The following MTRFR variants were observed in gnomAD, a reference collection of about 807,000 sequenced individuals.
MTRFR encodes the protein mitochondrial translation release factor in rescue, also known as probable peptide chain release factor C12orf65, mitochondrial.
MTRFR carries 10 observed loss-of-function variants against 11.9 expected under a neutral mutation model. The ratio of observed to expected loss-of-function variants is 0.84; its 90% CI spans 0.52 to 1.42. MTRFR has a LOEUF of 1.42. MTRFR is among the 40% of genes most tolerant of loss of function. The probability of loss-of-function intolerance (pLI) is 0.00; values close to 1 mark genes in which losing one functional copy is unlikely to be tolerated. For synonymous variants in MTRFR, 77 were observed against 79.1 expected (o/e 0.97, Z 0.14); for missense variants, 196 against 197.9 (o/e 0.99, Z 0.06).
chr12:123,235,124 G>A (rs1178367234), intron 1 of MTRFR, among the ~76,000 whole-genome samples: 1 of 152,176 alleles, frequency 6.6e-6, no homozygotes, highest in African/African-American at 2.4e-5. Flanking sequence ...CAGCCTTGTA[G>A]TTGAGAGATC....
chr12:123,253,385 G>A (rs927954779), intron 1 of MTRFR: 2 of 395,996 alleles, frequency 5.1e-6, no homozygotes, highest in Non-Finnish European at 4.8e-6. Flanking sequence ...CAGCACCCCC[G>A]GGTGCTTGGA....
intron 1 of MTRFR, among the ~76,000 whole-genome samples, chr12:123,238,647 G>A (rs1442262080): frequency 6.6e-6 from 1 of 152,148 alleles, no homozygotes; most frequent in African/African-American, 2.4e-5. Context: ...AAAAGTGTCT[G>A]TCCTAGCAAT....
Position 123,235,044 on chromosome 12 carries a change from A to G in MTRFR, c.-29+1513A>G, listed in dbSNP as rs78368479. ...AAGCTCTAAAACAAAGGCCGATGAA[A>G]TAATCAGTTCCCAGACTGGGTTTGT... On this transcript the variant is annotated intron_variant, in intron 1 of 2. Coordinates refer to ENST00000253233, the MANE Select transcript of MTRFR (RefSeq NM_152269.5). 3.4e-4 allele frequency among the ~76,000 whole-genome samples: 52 copies of G among 152,360 alleles called. No homozygotes were observed. The East Asian group carries it at 8.1e-3, about 24-fold the overall frequency.
At chr12:123,243,236 T>A (rs1176849921) in intron 1 of MTRFR, among the ~76,000 whole-genome samples, 2 of 91,258 alleles carry the variant, frequency 2.2e-5, no homozygotes, top group Non-Finnish European at 4.8e-5. Flanking sequence ...TTTAAAACAA[T>A]TTTTTTTTTT....
At position 123,257,951 on chromosome 12, in the gene MTRFR, G is replaced by T. The variant is rs2048201220; in HGVS notation, c.*920G>T. ...GTAATTAGTAAAGTCAATTTTTATG[G>T]AGAACTGGAGAATGGAGTCAAACAT... On this transcript the variant is annotated 3_prime_UTR_variant, in exon 3 of 3. Coordinates refer to ENST00000253233, the MANE Select transcript of MTRFR (RefSeq NM_152269.5). The T allele has an allele frequency of 6.6e-6, 1 of 152,114 alleles. No individual in the cohort carries two copies. Among genetic ancestry groups the T allele is most frequent in the Non-Finnish European group, 1.5e-5 (1 of 67,984 alleles). 9.4% of individuals were successfully genotyped at this position (152,114 alleles called of 1,614,324 possible).
intron 1 of MTRFR, among the ~76,000 whole-genome samples, chr12:123,241,362 G>A (rs970675037): frequency 5.9e-5 from 9 of 151,564 alleles, no homozygotes; most frequent in African/African-American, 1.9e-4. Context: ...ACAGAGTCTC[G>A]CTCCTTCAGT....
At chr12:123,241,211 T>C (rs982140030) in intron 1 of MTRFR, among the ~76,000 whole-genome samples, 1 of 151,666 alleles carries the variant, frequency 6.6e-6, no homozygotes, top group South Asian at 2.1e-4. Flanking sequence ...AAGCTGATCA[T>C]GAACTCCCAG....
chr12:123,246,888 G>A lies in MTRFR; in HGVS notation c.-28-6759G>A, dbSNP rs1490839021. 6.6e-5 allele frequency among the ~76,000 whole-genome samples: 10 copies of A among 151,716 alleles called. No homozygotes were observed. The South Asian group carries it at 8.3e-4, about 13-fold the overall frequency. On this transcript the variant is annotated intron_variant, in intron 1 of 2. Transcript: ENST00000253233. ...TGGGACTACAGGCACACACCACCAC[G>A]CCCGGCTAATTTTTGTATTTTTAGT...
intron 1 of MTRFR, chr12:123,252,049 A>C (rs1341650765): frequency 6.6e-6 from 1 of 152,228 alleles, no homozygotes; most frequent in Non-Finnish European, 1.5e-5. Context: ...TCTGTCTTTT[A>C]ATATCTTCTC....
At position 123,247,968 on chromosome 12, in the gene MTRFR, A is replaced by G. The variant is rs144972325; in HGVS notation, c.-28-5679A>G. ...TCAAAAAAAAAAAGAAAGAAATGTG[A>G]GGTACCATTGCATTCATTGTGCTCT... On this transcript the variant is annotated intron_variant, in intron 1 of 2. Transcript: ENST00000253233. 2.6e-3 allele frequency among the ~76,000 whole-genome samples: 395 copies of G among 151,216 alleles called. 5 individuals carry two copies. Among genetic ancestry groups the G allele is most frequent in the East Asian group, 0.02 (101 of 5,160 alleles).
intron 1 of MTRFR, among the ~76,000 whole-genome samples, chr12:123,240,339 C>T (rs1007708521): frequency 6.6e-6 from 1 of 151,120 alleles, no homozygotes; most frequent in Non-Finnish European, 1.5e-5. Context: ...GTGACGGAGA[C>T]TCCGTCTAAA....
rs1362291843 is a variant in MTRFR at position 123,254,000 on chromosome 12, G to T, written c.282+44G>T. 3 of 1,607,754 alleles carry T rather than the reference G, an allele frequency of 1.9e-6. No individual in the cohort carries two copies. The African/African-American group carries it at 4.0e-5, about 22-fold the overall frequency. ...CTGAGGGGAGAGGCCCCGCCCAAGG[G>T]TTCCACAGCCTCCAGAGATTTCTCC... On this transcript the variant is annotated intron_variant, in intron 2 of 2. Coordinates refer to ENST00000253233, the MANE Select transcript of MTRFR (RefSeq NM_152269.5).
intron 1 of MTRFR, among the ~76,000 whole-genome samples, chr12:123,253,069 A>ATTTTTT (rs1565997436): frequency 2.3e-5 from 1 of 42,818 alleles, no homozygotes; most frequent in Non-Finnish European, 5.5e-5. Context: ...CGTTCCTTTG[A>ATTTTTT]ATTTTTTTTT....
intron 1 of MTRFR, among the ~76,000 whole-genome samples, chr12:123,246,267 G>A (rs929807258): frequency 1.3e-5 from 2 of 151,858 alleles, no homozygotes; most frequent in Non-Finnish European, 2.9e-5. Context: ...TGGTTAGGCT[G>A]GTCTTGAACT....
chr12:123,240,017 T>A (rs921042451), intron 1 of MTRFR, among the ~76,000 whole-genome samples: 1 of 151,952 alleles, frequency 6.6e-6, no homozygotes. Context: ...AGCCTTGCCA[T>A]GGGGTGTGGG....
chr12:123,239,769 A>T (rs1252746617), intron 1 of MTRFR, among the ~76,000 whole-genome samples: 1 of 151,600 alleles, frequency 6.6e-6, no homozygotes, highest in Non-Finnish European at 1.5e-5. Context: ...GACATTTTTT[A>T]TTTTTTTTTC....
intron 1 of MTRFR, among the ~76,000 whole-genome samples, chr12:123,239,870 C>T (rs543824506): frequency 3.0e-4 from 46 of 152,206 alleles, no homozygotes; most frequent in South Asian, 2.7e-3. Flanking sequence ...TTTCTTGGGA[C>T]GATTTCCTTG....
intron 1 of MTRFR, chr12:123,233,957 A>G (rs2047780880): frequency 6.7e-6 from 1 of 148,826 alleles, no homozygotes; most frequent in South Asian, 2.1e-4. Flanking sequence ...TTTTGCGGAG[A>G]TACTCGTTTT....
intron 1 of MTRFR, chr12:123,253,356 C>A: frequency 2.8e-6 from 1 of 363,392 alleles, no homozygotes; most frequent in Non-Finnish European, 5.3e-6. Context: ...ACACTCAAAA[C>A]CTCTCCTTTC....
Sources: gnomAD v4.1 joint callset for allele counts (sites outside exome capture counted in the v4.1 genomes callset) on GRCh38, gnomAD v4.1.1 for gene constraint, MANE v1.5 for transcripts, NCBI Gene and HGNC (gene_info 2026-07-23, HGNC 2026-07-21) for gene names.